PIK3CD: variants seen among roughly 807,000 people sequenced by gnomAD.
PIK3CD encodes phosphatidylinositol-4,5-bisphosphate 3-kinase catalytic subunit delta.
Under a neutral mutation model 122.9 loss-of-function variants are expected in PIK3CD, and 20 were observed. The ratio of observed to expected loss-of-function variants is 0.16; its 90% CI spans 0.11 to 0.24. PIK3CD has a LOEUF of 0.24. Ranked by LOEUF, PIK3CD falls within the 10% of genes least tolerant of loss-of-function variation. The probability of loss-of-function intolerance (pLI) is 1.00; values close to 1 mark genes in which losing one functional copy is unlikely to be tolerated. For synonymous variants in PIK3CD, 596 were observed against 593.4 expected (o/e 1.00, Z -0.06); for missense variants, 787 against 1,406.3 (o/e 0.56, Z 7.04).
Position 9,721,934 on chromosome 1 carries a change from G to T in PIK3CD, c.2056-41G>T. On this transcript the variant is annotated intron_variant, in intron 16 of 23. Transcript: ENST00000377346. ...TGGGAATCCCCAGGGCTGGGTCGAG[G>T]CTGGGACCTGCCCACCGCCGCCCTC... The T allele has an allele frequency of 1.9e-6, 3 of 1,612,906 alleles. No homozygotes were observed. In the East Asian group the frequency reaches 6.7e-5, roughly 36 times the overall value.
At chr1:9,640,646 T>TG in the PIK3CD span, among the ~76,000 whole-genome samples, 2 of 151,952 alleles carry the variant, frequency 1.3e-5, no homozygotes, top group Non-Finnish European at 2.9e-5. Flanking sequence ...TCCTTGCTCC[T>TG]GGGGTGTTGT....
chr1:9,726,226 T>G (rs1329559790), intron 23 of PIK3CD, among the ~76,000 whole-genome samples: 1 of 150,138 alleles, frequency 6.7e-6, no homozygotes, highest in Non-Finnish European at 1.5e-5. Flanking sequence ...AAGAAAAAAT[T>G]GGCCGGGCAC....
chr1:9,653,948 G>T, intron 1 of PIK3CD: 2 of 1,360,992 alleles, frequency 1.5e-6, no homozygotes, highest in Non-Finnish European at 2.0e-6. Context: ...GCTCATACCT[G>T]TCATCCCAGT....
chr1:9,724,695 A>G lies in PIK3CD; in HGVS notation c.2865-109A>G. The G allele has an allele frequency of 7.0e-7, 1 of 1,422,476 alleles. No individual in the cohort carries two copies. Among genetic ancestry groups the G allele is most frequent in the East Asian group, 2.3e-5 (1 of 43,928 alleles). 88.1% of individuals were successfully genotyped at this position (1,422,476 alleles called of 1,614,324 possible). On this transcript the variant is annotated intron_variant, in intron 22 of 23. Coordinates refer to ENST00000377346, the MANE Select transcript of PIK3CD (RefSeq NM_005026.5). This position sits in a 1 kb window ranked among gnomAD's most constrained non-coding sequence, Gnocchi z 7.3. ...GGAGGCCTTGTGTCCACCCATTATC[A>G]GGGCAAGGGCAGGTGTCCTTGGGGA... is the stretch of plus-strand genomic sequence containing the variant.
At chr1:9,642,393 G>T in the PIK3CD span, among the ~76,000 whole-genome samples, 1 of 151,366 alleles carries the variant, frequency 6.6e-6, no homozygotes, top group African/African-American at 2.4e-5. Flanking sequence ...GATTACAGGC[G>T]TGAGCCGCTG....
intron 23 of PIK3CD, 112 bp downstream of exon 23, chr1:9,725,048 T>C: frequency 1.5e-6 from 2 of 1,334,920 alleles, no homozygotes; most frequent in South Asian, 1.2e-5. Context: ...CACTGAGCTG[T>C]GTGTGCCTCA....
intron 1 of PIK3CD, among the ~76,000 whole-genome samples, chr1:9,686,651 G>C (rs941632404): frequency 3.9e-5 from 6 of 152,156 alleles, no homozygotes; most frequent in Non-Finnish European, 7.3e-5. Context: ...ACTGTGCCAG[G>C]TCTACTCTGA....
At chr1:9,702,500 C>CCTTTTTTTTTTTTTT (rs1646675709) in intron 2 of PIK3CD, among the ~76,000 whole-genome samples, 1 of 25,804 alleles carries the variant, frequency 3.9e-5, no homozygotes, top group Non-Finnish European at 1.0e-4. Context: ...AAGAACTTTC[C>CCTTTTTTTTTTTTTT]TTTTTTTTTT....
intron 2 of PIK3CD, among the ~76,000 whole-genome samples, chr1:9,701,333 T>C (rs1281105175): frequency 6.6e-6 from 1 of 152,128 alleles, no homozygotes; most frequent in African/African-American, 2.4e-5. Context: ...CCATAGATAC[T>C]GGTGGGATAA....
chr1:9,637,640 C>T, the PIK3CD span, among the ~76,000 whole-genome samples: 1 of 152,114 alleles, frequency 6.6e-6, no homozygotes. Context: ...TCCTTCCTAG[C>T]CTCTTCCACC....
chr1:9,727,518 G>A lies in PIK3CD; in HGVS notation c.*472G>A, dbSNP rs760715836. On this transcript the variant is annotated 3_prime_UTR_variant, in exon 24 of 24. Coordinates refer to ENST00000377346, the MANE Select transcript of PIK3CD (RefSeq NM_005026.5). ...TTCTGGCAGCTCCCCGAGGCAGCCG[G>A]GGTACCCTCTAGATTCAGGGATGCT... is the stretch of plus-strand genomic sequence containing the variant. The A allele has an allele frequency of 1.9e-5, 5 of 261,484 alleles. No homozygotes were observed. The highest frequency in any genetic ancestry group is 4.4e-5 in the African/African-American group (2 of 45,326). 16.2% of individuals were successfully genotyped at this position (261,484 alleles called of 1,614,324 possible).
intron 2 of PIK3CD, among the ~76,000 whole-genome samples, chr1:9,706,119 T>G (rs1458466413): frequency 2.3e-5 from 3 of 130,678 alleles, no homozygotes; most frequent in Admixed American, 9.0e-5. Context: ...GGTCTCAAAC[T>G]CAAGCAATCC....
chr1:9,707,322 CT>C (rs112682484), intron 2 of PIK3CD, among the ~76,000 whole-genome samples: 3,055 of 116,868 alleles, frequency 0.026, 75 homozygotes, highest in African/African-American at 0.073. Context: ...ATTGTGGTTT[CT>C]TTTTTTTTTT....
chr1:9,675,588 TG>T (rs1312442147), intron 1 of PIK3CD, among the ~76,000 whole-genome samples: 1 of 151,768 alleles, frequency 6.6e-6, no homozygotes, highest in South Asian at 2.1e-4. Flanking sequence ...AGTGCTGGGT[TG>T]GGGGAGGGGA....
At position 9,718,999 on chromosome 1, in the gene PIK3CD, C is replaced by T. The variant is rs966004831; in HGVS notation, c.1242+84C>T. On this transcript the variant is annotated intron_variant, in intron 9 of 23. Coordinates refer to ENST00000377346, the MANE Select transcript of PIK3CD (RefSeq NM_005026.5). The surrounding 1 kb of genome is among the most constrained non-coding windows in gnomAD (Gnocchi z 7.2). ...GCTGGGCCACTCACCACTCTCCTCC[C>T]GGCAAGCACGCAGCCTGGGGATGGG... is the stretch of plus-strand genomic sequence containing the variant. 8.2e-5 allele frequency: 105 copies of T among 1,286,900 alleles called. No individual in the cohort carries two copies. Among genetic ancestry groups the T allele is most frequent in the Admixed American group, 1.3e-4 (7 of 53,796 alleles). The allele number at this position is 1,286,900 out of a possible 1,614,324, so 79.7% of individuals were successfully genotyped here.
the PIK3CD span, among the ~76,000 whole-genome samples, chr1:9,633,210 G>A: frequency 6.6e-6 from 1 of 152,068 alleles, no homozygotes; most frequent in African/African-American, 2.4e-5. Context: ...GAATTCTCCA[G>A]GTGGGGATGA....
chr1:9,717,413 C>T lies in PIK3CD; in HGVS notation c.931-124C>T, dbSNP rs1647668388. 2 of 1,012,976 alleles carry T rather than the reference C, an allele frequency of 2.0e-6. No homozygotes were observed. The highest frequency in any genetic ancestry group is 1.3e-5 in the South Asian group (1 of 77,048). 62.7% of individuals were successfully genotyped at this position (1,012,976 alleles called of 1,614,324 possible). A position where few individuals can be genotyped will look rare whatever the true frequency, so the allele number is the denominator to read the frequency against. On this transcript the variant is annotated intron_variant, in intron 7 of 23. Transcript: ENST00000377346. The surrounding 1 kb of genome is among the most constrained non-coding windows in gnomAD (Gnocchi z 5.4). ...GGAAAGGATAGCATTGTGGACAGGCCCAAACCTGGCCGCAAACCTGTGACC... is the reference window on the plus strand; with the variant it reads ...GGAAAGGATAGCATTGTGGACAGGCTCAAACCTGGCCGCAAACCTGTGACC...
At chr1:9,687,424 C>T (rs956404290) in intron 1 of PIK3CD, 4 of 152,442 alleles carry the variant, frequency 2.6e-5, no homozygotes, top group Non-Finnish European at 4.4e-5. Context: ...GATTTCTCAT[C>T]TTGGGGAAAT....
intron 2 of PIK3CD, among the ~76,000 whole-genome samples, chr1:9,702,723 G>A (rs1646694424): frequency 6.6e-6 from 1 of 151,508 alleles, no homozygotes; most frequent in South Asian, 2.1e-4. Context: ...GTTTCACCAT[G>A]TTGGTCAGGC....
Sources: allele counts gnomAD v4.1 joint callset (sites outside exome capture counted in the v4.1 genomes callset), GRCh38; gene constraint gnomAD v4.1.1; non-coding constraint Gnocchi (gnomAD v3.1); transcripts MANE v1.5; gene names NCBI Gene and HGNC (gene_info 2026-07-23, HGNC 2026-07-21).